Variants in PPM1L observed in about 807,000 individuals in gnomAD.
PPM1L encodes the protein protein phosphatase, Mg2+/Mn2+ dependent 1L, also known as protein phosphatase 1L.
Under a neutral mutation model 31.4 loss-of-function variants are expected in PPM1L, and 13 were observed. That is an observed-to-expected ratio of 0.41 (90% CI 0.27 to 0.66). PPM1L has a LOEUF of 0.66. Among genes scored for constraint, PPM1L ranks in the 30% least tolerant of loss-of-function variants. PPM1L has a pLI of 0.29. For missense variants in PPM1L, 326 were observed against 453.7 expected, an observed-to-expected ratio of 0.72 and a Z score of 2.56; for synonymous variants, 184 against 175.4, an observed-to-expected ratio of 1.05 and a Z score of -0.39.
chr3:160,814,916 A>G lies in PPM1L; in HGVS notation c.399+58209A>G, dbSNP rs146899604. Among the ~76,000 whole-genome samples, 871 of 152,262 alleles carry G rather than the reference A, an allele frequency of 5.7e-3. 12 individuals carry two copies. Among genetic ancestry groups the G allele is most frequent in the African/African-American group, 0.02 (811 of 41,556 alleles). On this transcript the variant is annotated intron_variant, in intron 1 of 3. Coordinates refer to ENST00000498165, the MANE Select transcript of PPM1L (RefSeq NM_139245.4). ...GTAACTCAGGAATGGAGAACCAAACATCGTATGCTCTCACTTATAAATGGG... is the reference window on the plus strand; with the variant it reads ...GTAACTCAGGAATGGAGAACCAAACGTCGTATGCTCTCACTTATAAATGGG...
rs775392854 is a variant in PPM1L at position 160,756,574 on chromosome 3, A to C, written c.266A>C (p.Lys89Thr). ...EAEFSKTWEF[K>T]NHNVAVYSIQ... ...GAGTTTTCCAAGACCTGGGAGTTCAAGAACCACAACGTGGCGGTGTACTCC... is the reference window on the plus strand; with the variant it reads ...GAGTTTTCCAAGACCTGGGAGTTCACGAACCACAACGTGGCGGTGTACTCC... Residue 89 changes from lysine to threonine, a missense_variant, in exon 1 of 4, where the codon AAG becomes ACG. Transcript: ENST00000498165. The surrounding 1 kb of genome is among the most constrained non-coding windows in gnomAD (Gnocchi z 6.2). The C allele has an allele frequency of 6.2e-7, 1 of 1,614,160 alleles. No homozygotes were observed. The highest frequency in any genetic ancestry group is 8.5e-7 in the Non-Finnish European group (1 of 1,180,032).
intron 2 of PPM1L, among the ~76,000 whole-genome samples, chr3:161,041,309 G>A (rs1019645893): frequency 6.6e-6 from 1 of 152,172 alleles, no homozygotes; most frequent in Non-Finnish European, 1.5e-5. Flanking sequence ...TTTCTTAAAT[G>A]TATTTGATTG....
intron 1 of PPM1L, among the ~76,000 whole-genome samples, chr3:160,954,607 GC>G (rs1257417078): frequency 6.6e-6 from 1 of 151,868 alleles, no homozygotes; most frequent in African/African-American, 2.4e-5. Context: ...CAAATGATCC[GC>G]CCACCTCAGC....
At chr3:161,032,350 G>C (rs760037725) in intron 2 of PPM1L, among the ~76,000 whole-genome samples, 3 of 152,174 alleles carry the variant, frequency 2.0e-5, no homozygotes, top group Admixed American at 6.5e-5. Context: ...TACAAGGGCT[G>C]TCTTTACACA....
intron 1 of PPM1L, among the ~76,000 whole-genome samples, chr3:160,855,059 A>G (rs1265425517): frequency 6.6e-6 from 1 of 151,846 alleles, no homozygotes; most frequent in Non-Finnish European, 1.5e-5. Context: ...GAGAACCCAG[A>G]AAAAAAAGCT....
intron 1 of PPM1L, among the ~76,000 whole-genome samples, chr3:160,834,501 G>GTGTT (rs1713635652): frequency 6.6e-6 from 1 of 150,836 alleles, no homozygotes; most frequent in Non-Finnish European, 1.5e-5. Context: ...GTGTGTGTGT[G>GTGTT]TGTGTGTGTG....
intron 1 of PPM1L, among the ~76,000 whole-genome samples, chr3:160,851,734 G>A (rs930524388): frequency 3.3e-5 from 5 of 152,168 alleles, no homozygotes; most frequent in Admixed American, 1.3e-4. Flanking sequence ...GGAAAGATCC[G>A]ATACTTGGGG....
At chr3:160,910,150 C>A (rs12485723) in intron 1 of PPM1L, among the ~76,000 whole-genome samples, 124,534 of 150,908 alleles carry the variant, frequency 0.83, 51,592 homozygotes, top group Middle Eastern at 0.89. Flanking sequence ...ATATATTCAG[C>A]GCTTGAAACT....
intron 3 of PPM1L, among the ~76,000 whole-genome samples, chr3:161,066,118 A>G (rs1719733093): frequency 6.6e-6 from 1 of 152,010 alleles, no homozygotes. Flanking sequence ...TGGCTCTCCT[A>G]TTTGCCTTGC....
intron 1 of PPM1L, among the ~76,000 whole-genome samples, chr3:160,796,388 C>T (rs925181824): frequency 2.6e-5 from 4 of 152,102 alleles, no homozygotes; most frequent in Admixed American, 6.5e-5. Flanking sequence ...ACCTTTTTTC[C>T]TGCCCTAACC....
At chr3:160,878,441 A>G (rs1295600722) in intron 1 of PPM1L, among the ~76,000 whole-genome samples, 1 of 152,112 alleles carries the variant, frequency 6.6e-6, no homozygotes, top group African/African-American at 2.4e-5. Flanking sequence ...TAGCTTGCGG[A>G]TGGTTGTTTT....
At chr3:160,870,806 C>T (rs751112983) in intron 1 of PPM1L, among the ~76,000 whole-genome samples, 18 of 152,088 alleles carry the variant, frequency 1.2e-4, no homozygotes, top group Non-Finnish European at 2.2e-4. Context: ...TTCAATTGTC[C>T]TCTGTAATAT....
At chr3:160,957,646 C>T (rs1171223229) in intron 1 of PPM1L, among the ~76,000 whole-genome samples, 2 of 145,580 alleles carry the variant, frequency 1.4e-5, no homozygotes, top group East Asian at 2.0e-4. Context: ...GGTGCAATGG[C>T]GGCTCACTGC....
chr3:160,914,595 T>C (rs1480000382), intron 1 of PPM1L, among the ~76,000 whole-genome samples: 1 of 152,104 alleles, frequency 6.6e-6, no homozygotes, highest in Admixed American at 6.6e-5. Flanking sequence ...CAGCTTCATC[T>C]GTGTCCCTAC....
At chr3:160,794,773 G>A (rs74325908) in intron 1 of PPM1L, among the ~76,000 whole-genome samples, 5,087 of 152,210 alleles carry the variant, frequency 0.033, 110 homozygotes, top group South Asian at 0.052. Flanking sequence ...ATGATAGCTG[G>A]TGAGCTTAAA....
intron 1 of PPM1L, among the ~76,000 whole-genome samples, chr3:160,829,988 G>C (rs1012101078): frequency 6.6e-6 from 1 of 152,174 alleles, no homozygotes; most frequent in Non-Finnish European, 1.5e-5. Context: ...GGGAAACAAA[G>C]TGGATTGGTC....
intron 1 of PPM1L, among the ~76,000 whole-genome samples, chr3:160,916,927 T>G (rs1348297352): frequency 6.6e-6 from 1 of 152,226 alleles, no homozygotes; most frequent in Admixed American, 6.5e-5. Context: ...TTTCTGCCAG[T>G]GACTTTAATT....
chr3:161,045,907 C>T (rs1027768152), intron 2 of PPM1L, among the ~76,000 whole-genome samples: 6 of 151,290 alleles, frequency 4.0e-5, no homozygotes, highest in East Asian at 2.0e-4. Flanking sequence ...GTCAGGAGAT[C>T]GAGACCGTCC....
At chr3:160,808,566 T>C (rs1712712748) in intron 1 of PPM1L, among the ~76,000 whole-genome samples, 1 of 152,116 alleles carries the variant, frequency 6.6e-6, no homozygotes, top group African/African-American at 2.4e-5. Context: ...CTGGCTCATT[T>C]TCAGACTGGG....
Sources: gnomAD v4.1 joint callset for allele counts (sites outside exome capture counted in the v4.1 genomes callset) on GRCh38, gnomAD v4.1.1 for gene constraint, Gnocchi (gnomAD v3.1) non-coding constraint, MANE v1.5 for transcripts, NCBI Gene and HGNC (gene_info 2026-07-23, HGNC 2026-07-21) for gene names.